Variants in PCDHGB5 observed in about 807,000 individuals in gnomAD.
The protein encoded by PCDHGB5 is protocadherin gamma subfamily B, 5.
Under a neutral mutation model 62.9 loss-of-function variants are expected in PCDHGB5, and 48 were observed. The observed-to-expected ratio is 0.76, with a 90% CI of 0.61 to 0.97. The LOEUF (loss-of-function observed/expected upper bound fraction) is 0.97, where lower values mean the gene tolerates loss of function less well. Among genes scored for constraint, PCDHGB5 ranks in the 50% least tolerant of loss-of-function variants. The probability of loss-of-function intolerance (pLI) is 0.00; values close to 1 mark genes in which losing one functional copy is unlikely to be tolerated. For synonymous variants in PCDHGB5, 474 were observed against 511.2 expected (o/e 0.93, Z 0.98); for missense variants, 1,118 against 1,198.6 (o/e 0.93, Z 0.99).
chr5:141,480,265 A>G (rs1041908141), intron 1 of PCDHGB5, among the ~76,000 whole-genome samples: 2 of 151,784 alleles, frequency 1.3e-5, no homozygotes, highest in African/African-American at 2.4e-5. Context: ...ATGTGTTTTC[A>G]TTAGCTGGGT....
At chr5:141,444,255 T>G (rs764607115) in intron 1 of PCDHGB5, among the ~76,000 whole-genome samples, 8 of 130,834 alleles carry the variant, frequency 6.1e-5, no homozygotes, top group Non-Finnish European at 1.2e-4. Context: ...CACTGCAACC[T>G]CCGCCTCCCA....
At position 141,436,830 on chromosome 5, in the gene PCDHGB5, T is replaced by C. The variant is rs1054296892; in HGVS notation, c.2397+36306T>C. On this transcript the variant is annotated intron_variant, in intron 1 of 3. Coordinates refer to ENST00000617380, the MANE Select transcript of PCDHGB5 (RefSeq NM_018925.3). ...TGACAGCTGGTTTAAAAATCTTAAGTGCCTAGGCACATTCTTGATTGAGAA... is the reference window on the plus strand; with the variant it reads ...TGACAGCTGGTTTAAAAATCTTAAGCGCCTAGGCACATTCTTGATTGAGAA... Among the ~76,000 whole-genome samples, 37 of 152,252 alleles carry C rather than the reference T, an allele frequency of 2.4e-4. 1 individual carries two copies.
At chr5:141,451,832 G>A (rs1190124133) in intron 1 of PCDHGB5, among the ~76,000 whole-genome samples, 1 of 150,948 alleles carries the variant, frequency 6.6e-6, no homozygotes, top group Non-Finnish European at 1.5e-5. Context: ...AGTGAGCCGA[G>A]ATCACACCAC....
intron 1 of PCDHGB5, chr5:141,403,714 C>A: frequency 1.2e-6 from 2 of 1,613,910 alleles, no homozygotes; most frequent in South Asian, 1.1e-5. Context: ...TCCTTGAGAA[C>A]GTGCCCCCAG....
Position 141,486,276 on chromosome 5 carries a change from T to C in PCDHGB5, c.2398-8531T>C. The C allele has an allele frequency of 1.2e-6, 2 of 1,613,980 alleles. No homozygotes were observed. The highest frequency in any genetic ancestry group is 1.7e-6 in the Non-Finnish European group (2 of 1,179,974). On this transcript the variant is annotated intron_variant, in intron 1 of 3. Coordinates refer to ENST00000617380, the MANE Select transcript of PCDHGB5 (RefSeq NM_018925.3). The surrounding 1 kb of genome is among the most constrained non-coding windows in gnomAD (Gnocchi z 5.0). ...CCCGAGAGTGCAGAACCTGGCACTG[T>C]GGTGGCACTTATCAGTGTGCAGGAT...
intron 1 of PCDHGB5, among the ~76,000 whole-genome samples, chr5:141,449,342 C>T (rs895923034): frequency 3.3e-5 from 5 of 151,854 alleles, no homozygotes; most frequent in Non-Finnish European, 5.9e-5. Context: ...TGCAGTGGCT[C>T]ACTCCTGTAA....
At chr5:141,496,817 T>C (rs2099771666) in intron 2 of PCDHGB5, among the ~76,000 whole-genome samples, 1 of 151,020 alleles carries the variant, frequency 6.6e-6, no homozygotes, top group Non-Finnish European at 1.5e-5. Flanking sequence ...AGTGAACAAG[T>C]AGATGTGATC....
At chr5:141,411,059 C>T (rs1384816111) in intron 1 of PCDHGB5, 1 of 156,328 alleles carries the variant, frequency 6.4e-6, no homozygotes, top group African/African-American at 2.4e-5. Context: ...ACTATGTCGA[C>T]CAGGCTGTTC....
chr5:141,464,266 AAAAAAAAAAAAGC>A (rs2099079689), intron 1 of PCDHGB5, among the ~76,000 whole-genome samples: 2 of 138,926 alleles, frequency 1.4e-5, no homozygotes, highest in Admixed American at 1.4e-4. Flanking sequence ...CTCCGTCTAA[AAAAAAAAAAAAGC>A]AAAAAAAAAA....
chr5:141,509,056 G>C (rs1303823294), intron 3 of PCDHGB5, among the ~76,000 whole-genome samples: 1 of 152,178 alleles, frequency 6.6e-6, no homozygotes, highest in Non-Finnish European at 1.5e-5. Flanking sequence ...CCCCCAGAAA[G>C]CTCTCAGCTC....
Position 141,418,952 on chromosome 5 carries a change from G to C in PCDHGB5, c.2397+18428G>C, listed in dbSNP as rs1377467334. On this transcript the variant is annotated intron_variant, in intron 1 of 3. Coordinates refer to ENST00000617380, the MANE Select transcript of PCDHGB5 (RefSeq NM_018925.3). ...TATGGAGGATTCCCCTCCAGGAGTG[G>C]TTGTTGCCCTCTTCAAAACACGGGA... 4.3e-6 allele frequency: 7 copies of C among 1,613,932 alleles called. No individual in the cohort carries two copies. Among genetic ancestry groups the C allele is most frequent in the Non-Finnish European group, 5.9e-6 (7 of 1,179,908 alleles).
chr5:141,470,778 C>A (rs1047167697), intron 1 of PCDHGB5, among the ~76,000 whole-genome samples: 1 of 152,132 alleles, frequency 6.6e-6, no homozygotes, highest in African/African-American at 2.4e-5. Context: ...GTCTTGAATT[C>A]CTGGGCTCAA....
In PCDHGB5 at chr5:141,399,414, C is replaced by T; in HGVS notation, c.1287C>T (p.Ser429=). 1 of 1,614,034 alleles carries T rather than the reference C, an allele frequency of 6.2e-7. No individual in the cohort carries two copies. The highest frequency in any genetic ancestry group is 2.2e-5 in the East Asian group (1 of 44,872). Residue 429 remains serine, a synonymous_variant, in exon 1 of 4, where the codon TCC becomes TCT. Transcript: ENST00000617380. ...TATDRGKPPL[S]SSISVILHIR... ...CAGACAGGGGCAAGCCGCCCCTCTC[C>T]TCCAGCATAAGCGTCATCCTACATA...
rs553462245 is a variant in PCDHGB5 at position 141,511,198 on chromosome 5, A to T, written c.*25A>T. Reference sequence around the variant, plus strand: ...ACATGGAGGCCAGGCCAAGAGCCACAGGGCGGCCTCTCCCCAACCAGCCCA... The same window carrying T: ...ACATGGAGGCCAGGCCAAGAGCCACTGGGCGGCCTCTCCCCAACCAGCCCA... On this transcript the variant is annotated 3_prime_UTR_variant, in exon 4 of 4. Transcript: ENST00000617380. The T allele has an allele frequency of 2.7e-5, 43 of 1,612,954 alleles. 1 individual carries two copies. The South Asian group carries it at 4.5e-4, about 17-fold the overall frequency.
At chr5:141,426,451 C>A in intron 1 of PCDHGB5, 1 of 308,946 alleles carries the variant, frequency 3.2e-6, no homozygotes, top group South Asian at 3.0e-5. Flanking sequence ...GGACATGCGG[C>A]TGCATGTTCA....
chr5:141,496,888 T>TAAA (rs35063790), intron 2 of PCDHGB5, among the ~76,000 whole-genome samples: 5 of 134,118 alleles, frequency 3.7e-5, no homozygotes, highest in East Asian at 4.4e-4. Context: ...AAGTAACACT[T>TAAA]AAAAAAAAAA....
intron 1 of PCDHGB5, chr5:141,404,551 G>A (rs764332245): frequency 1.9e-5 from 31 of 1,613,748 alleles, no homozygotes; most frequent in African/African-American, 1.1e-4. Flanking sequence ...TGCAGGTGAC[G>A]GCAAGTGACA....
Position 141,485,209 on chromosome 5 carries a change from G to T in PCDHGB5, c.2398-9598G>T, listed in dbSNP as rs2099609420. The T allele has an allele frequency of 6.2e-7, 1 of 1,614,032 alleles. No individual in the cohort carries two copies. Among genetic ancestry groups the T allele is most frequent in the African/African-American group, 1.3e-5 (1 of 74,938 alleles). On this transcript the variant is annotated intron_variant, in intron 1 of 3. Transcript: ENST00000617380. This position sits in a 1 kb window ranked among gnomAD's most constrained non-coding sequence, Gnocchi z 5.7. Reference sequence around the variant, plus strand: ...AGGTGAGAAGCTGGACAGAAATCTGGCGGTGGGCTACCCTTTTGTTCCTCT... The same window carrying T: ...AGGTGAGAAGCTGGACAGAAATCTGTCGGTGGGCTACCCTTTTGTTCCTCT...
At chr5:141,447,275 G>C (rs2098532748) in intron 1 of PCDHGB5, among the ~76,000 whole-genome samples, 1 of 152,154 alleles carries the variant, frequency 6.6e-6, no homozygotes, top group African/African-American at 2.4e-5. Flanking sequence ...AAGTAGCTGG[G>C]ACTACAGGCA....
Sources: allele counts gnomAD v4.1 joint callset (sites outside exome capture counted in the v4.1 genomes callset), GRCh38; gene constraint gnomAD v4.1.1; non-coding constraint Gnocchi (gnomAD v3.1); transcripts MANE v1.5; gene names NCBI Gene and HGNC (gene_info 2026-07-23, HGNC 2026-07-21).